Variants in CDH23 observed in about 807,000 individuals in gnomAD.
CDH23 encodes the protein cadherin related 23.
A neutral mutation model predicts 317.1 loss-of-function variants in CDH23; 189 were observed. The observed-to-expected ratio is 0.60, with a 90% CI of 0.53 to 0.67. The LOEUF (loss-of-function observed/expected upper bound fraction) is 0.67, where lower values mean the gene tolerates loss of function less well. Among genes scored for constraint, CDH23 ranks in the 30% least tolerant of loss-of-function variants. The pLI, the probability that CDH23 is intolerant of heterozygous loss-of-function variation, is 0.00. For synonymous variants in CDH23, 1,839 were observed against 1,876.8 expected, an observed-to-expected ratio of 0.98 and a Z score of 0.52; for missense variants, 4,401 against 4,592.4, an observed-to-expected ratio of 0.96 and a Z score of 1.20.
intron 1 of CDH23, among the ~76,000 whole-genome samples, chr10:71,408,387 GAA>G (rs533422143): frequency 5.5e-5 from 8 of 146,468 alleles, no homozygotes; most frequent in African/African-American, 1.7e-4. Context: ...GAGAGAGAGA[GAA>G]AGAGAGAGAA....
At chr10:71,670,295 C>T (rs139987433) in intron 14 of CDH23, among the ~76,000 whole-genome samples, 2,180 of 152,324 alleles carry the variant, frequency 0.014, 63 homozygotes, top group African/African-American at 0.051. Flanking sequence ...TATGCTGGCC[C>T]TCCGTGGCTG....
chr10:71,645,032 A>C (rs1225895968), intron 12 of CDH23, among the ~76,000 whole-genome samples: 1 of 152,182 alleles, frequency 6.6e-6, no homozygotes, highest in Non-Finnish European at 1.5e-5. Flanking sequence ...TGATCTGGAG[A>C]CTTCAGTCAC....
chr10:71,430,624 A>G (rs1228295584), intron 1 of CDH23, among the ~76,000 whole-genome samples: 1 of 152,176 alleles, frequency 6.6e-6, no homozygotes, highest in African/African-American at 2.4e-5. Context: ...CCTGACCAAC[A>G]TGATGAAATC....
intron 6 of CDH23, among the ~76,000 whole-genome samples, chr10:71,550,823 G>C (rs1002735304): frequency 7.9e-5 from 12 of 152,274 alleles, no homozygotes; most frequent in African/African-American, 2.9e-4. Context: ...CTAAGCCTGG[G>C]GGAAGCTCTG....
At chr10:71,617,163 A>G (rs1293060058) in intron 10 of CDH23, 42 bp from the exon 11 acceptor site, 1 of 1,584,254 alleles carries the variant, frequency 6.3e-7, no homozygotes. Context: ...TGTTGCTGTG[A>G]TTAGCTGCCT....
chr10:71,813,333 C>T lies in CDH23; in HGVS notation c.9723C>T (p.His3241=), dbSNP rs2133010032. Residue 3241 remains histidine (H), a synonymous_variant, in exon 69 of 70, where the codon CAC becomes CAT. Coordinates refer to ENST00000224721, the MANE Select transcript of CDH23 (RefSeq NM_022124.6). ...TGGTGCAAAAAGCCTCCTCCTGCCA[C>T]TCCTCCATCTCTGAGGTAGCCGGCT... The part of the protein sequence containing the change: ...QRMVQKASSC[H]SSISELIQTE... 6.4e-7 allele frequency: 1 copy of T among 1,551,634 alleles called. No homozygotes were observed.
intron 1 of CDH23, among the ~76,000 whole-genome samples, chr10:71,405,153 C>T (rs1257786293): frequency 6.6e-6 from 1 of 152,160 alleles, no homozygotes; most frequent in Non-Finnish European, 1.5e-5. Flanking sequence ...TTAGCTCTGC[C>T]CACTTTTCTT....
chr10:71,711,011 G>A (rs570628044), intron 27 of CDH23, among the ~76,000 whole-genome samples: 1 of 152,272 alleles, frequency 6.6e-6, no homozygotes, highest in East Asian at 1.9e-4. Flanking sequence ...CAGGAAGTTT[G>A]CAGTGAGCTG....
chr10:71,752,840 C>T (rs1840040007), intron 38 of CDH23: 1 of 1,083,354 alleles, frequency 9.2e-7, no homozygotes, highest in East Asian at 2.6e-5. Context: ...GATGTGCAGG[C>T]TTCAGCAGCA....
intron 1 of CDH23, among the ~76,000 whole-genome samples, chr10:71,432,758 A>G (rs953582873): frequency 8.5e-5 from 13 of 152,176 alleles, no homozygotes; most frequent in Non-Finnish European, 1.6e-4. Flanking sequence ...TAGCGAGGAA[A>G]GACCCAGTGG....
Position 71,802,958 on chromosome 10 carries a change from A to C in CDH23, c.7543A>C (p.Ser2515Arg). The change falls in exon 54 of 70, where the codon AGC becomes CGC. Residue 2515 changes from serine to arginine, a missense_variant. Transcript: ENST00000224721. ...CRPQFSKPQF[S>R]TSVYENEPAG... ...GCCACAGTTCTCCAAGCCCCAGTTC[A>C]GCACAAGCGTGTATGAGAATGAGCC... 6.2e-7 allele frequency: 1 copy of C among 1,614,032 alleles called. No individual in the cohort carries two copies. Among genetic ancestry groups the C allele is most frequent in the Non-Finnish European group, 8.5e-7 (1 of 1,179,894 alleles).
rs1353425009 is a variant in CDH23, at chr10:71,806,212, G to A, written c.8109G>A (p.Glu2703=). ...ASDLGQPVPY[E]TMQPLQVALE... is the part of the protein sequence containing the mutation. The stretch of plus-strand genomic sequence containing the variant: ...ACCTGGGCCAGCCAGTGCCATACGA[G>A]ACTATGCAGCCGCTGCAGGTGGCCC... The change falls in exon 57 of 70, where the codon GAG becomes GAA. Residue 2703 remains glutamate, a synonymous_variant. Transcript: ENST00000224721. 6.3e-7 allele frequency: 1 copy of A among 1,579,626 alleles called. No individual in the cohort carries two copies. Among genetic ancestry groups the A allele is most frequent in the South Asian group, 1.2e-5 (1 of 86,224 alleles).
chr10:71,439,704 A>G (rs1349254120), intron 1 of CDH23, 123 bp from the exon 2 acceptor site: 8 of 684,044 alleles, frequency 1.2e-5, no homozygotes, highest in South Asian at 1.8e-5. Context: ...ATCTGGGTTG[A>G]TTCCTTCTCC....
At chr10:71,438,830 C>T (rs555643871) in intron 1 of CDH23, among the ~76,000 whole-genome samples, 4 of 152,290 alleles carry the variant, frequency 2.6e-5, no homozygotes, top group African/African-American at 7.2e-5. Context: ...GAGATGAACA[C>T]GCCCCAGGCC....
intron 18 of CDH23, among the ~76,000 whole-genome samples, chr10:71,684,288 G>A (rs1433668334): frequency 6.6e-6 from 1 of 152,066 alleles, no homozygotes; most frequent in Non-Finnish European, 1.5e-5. Context: ...CAGCCCCCAA[G>A]CCTCCTCTAA....
chr10:71,528,758 G>A (rs1157534489), intron 6 of CDH23, among the ~76,000 whole-genome samples: 1 of 152,200 alleles, frequency 6.6e-6, no homozygotes, highest in African/African-American at 2.4e-5. Flanking sequence ...GCCCAAGCCT[G>A]CCCTGCAACA....
Position 71,609,995 on chromosome 10 carries a change from T to TGTGTGA in CDH23, c.833-5508_833-5507insTGTGAG, listed in dbSNP as rs3222215. On this transcript the variant is annotated intron_variant, in intron 9 of 69. Coordinates refer to ENST00000224721, the MANE Select transcript of CDH23 (RefSeq NM_022124.6). ...GTGTGTGTGTGTGTGTGTGTGTGTG[T>TGTGTGA]GAGAGAGACAGAGAGACGAGAGAGA... Among the ~76,000 whole-genome samples, 428 of 140,894 alleles carry TGTGTGA rather than the reference T, an allele frequency of 3.0e-3. 4 individuals are homozygous for TGTGTGA. Among genetic ancestry groups the TGTGTGA allele is most frequent in the African/African-American group, 3.4e-3 (128 of 38,112 alleles). The allele number at this position is 140,894 out of a possible 152,430, so 92.4% of individuals were successfully genotyped here. A position where few individuals can be genotyped will look rare whatever the true frequency, so the allele number is the denominator to read the frequency against.
In CDH23 at chr10:71,783,172, G is replaced by A. The variant is rs541209574; in HGVS notation, c.5369-1115G>A. Among the ~76,000 whole-genome samples, 14 of 152,292 alleles carry A rather than the reference G, an allele frequency of 9.2e-5. No homozygotes were observed. In the South Asian group the frequency reaches 2.1e-3, roughly 23 times the overall value. ...CCATTTCCTGGGGGAATGCGGAGAG[G>A]TGGCCTCTCTTCTGCAGGCTCTCCC... On this transcript the variant is annotated intron_variant, in intron 41 of 69. Transcript: ENST00000224721.
intron 47 of CDH23, 23 bp downstream of exon 47, chr10:71,791,358 C>A (rs1841245564): frequency 6.2e-7 from 1 of 1,601,730 alleles, no homozygotes; most frequent in Non-Finnish European, 8.5e-7. Context: ...CAGGCCCCAG[C>A]ACCCCACAAC....
Sources: gnomAD v4.1 joint callset for allele counts (sites outside exome capture counted in the v4.1 genomes callset) on GRCh38, gnomAD v4.1.1 for gene constraint, MANE v1.5 for transcripts, NCBI Gene and HGNC (gene_info 2026-07-23, HGNC 2026-07-21) for gene names.